Variants in CADM2 observed in about 807,000 individuals in gnomAD.
CADM2 encodes the protein cell adhesion molecule 2, also known as immunoglobulin superfamily member 4D.
Under a neutral mutation model 49.8 loss-of-function variants are expected in CADM2, and 12 were observed. The ratio of observed to expected loss-of-function variants is 0.24; its 90% CI spans 0.15 to 0.39. The LOEUF is 0.39. Among genes scored for constraint, CADM2 ranks in the 10% least tolerant of loss-of-function variants. CADM2 has a pLI of 1.00. For missense variants in CADM2, 378 were observed against 492.3 expected (o/e 0.77, Z 2.20); for synonymous variants, 214 against 175.4 (o/e 1.22, Z -1.74).
At chr3:85,097,641 A>C (rs1165110004) in intron 1 of CADM2, among the ~76,000 whole-genome samples, 1 of 152,078 alleles carries the variant, frequency 6.6e-6, no homozygotes, top group East Asian at 1.9e-4. Context: ...TCCTATTTCT[A>C]AGAGTTTTTA....
chr3:85,957,545 G>T (rs1348599228), intron 7 of CADM2, among the ~76,000 whole-genome samples: 3 of 151,594 alleles, frequency 2.0e-5, no homozygotes, highest in African/African-American at 7.3e-5. Flanking sequence ...CCAACAATCA[G>T]TTTCCCCCAC....
intron 2 of CADM2, among the ~76,000 whole-genome samples, chr3:85,764,517 A>C (rs1301481626): frequency 6.6e-6 from 1 of 152,114 alleles, no homozygotes; most frequent in African/African-American, 2.4e-5. Context: ...CAGATATTTT[A>C]TGTTCAAAGT....
Position 85,585,444 on chromosome 3 carries a change from A to G in CADM2, c.62-141078A>G, listed in dbSNP as rs80124697. On this transcript the variant is annotated intron_variant, in intron 1 of 9. Coordinates refer to ENST00000383699, the MANE Select transcript of CADM2 (RefSeq NM_001167675.2). ...TTGTATGATGAGGTTTATAAGATCT[A>G]TGGTAAGAATGGCTCTTCTATTCAT... Among the ~76,000 whole-genome samples, 1,321 of 151,996 alleles carry G rather than the reference A, an allele frequency of 8.7e-3. 23 individuals are homozygous for G. Among genetic ancestry groups the G allele is most frequent in the African/African-American group, 0.03 (1,263 of 41,470 alleles).
rs7646627 is a variant in CADM2 at position 85,212,942 on chromosome 3, G to A, written c.61+253274G>A. On this transcript the variant is annotated intron_variant, in intron 1 of 9. Transcript: ENST00000383699. ...GTCACCCAGACTGGAGTGCAATGGC[G>A]CAATCTCCGCTCACTGCAACCTTCG... Among the ~76,000 whole-genome samples the A allele has an allele frequency of 4.7e-3, 697 of 148,384 alleles. 8 individuals are homozygous for A. The highest frequency in any genetic ancestry group is 4.9e-3 in the Non-Finnish European group (333 of 67,430).
At chr3:85,491,877 GGC>G (rs1442681748) in intron 1 of CADM2, among the ~76,000 whole-genome samples, 1 of 151,698 alleles carries the variant, frequency 6.6e-6, no homozygotes, top group African/African-American at 2.4e-5. Context: ...GCGTGAATCG[GGC>G]AGGCGGAGCT....
At chr3:86,028,783 T>C (rs1459969237) in intron 8 of CADM2, among the ~76,000 whole-genome samples, 1 of 152,174 alleles carries the variant, frequency 6.6e-6, no homozygotes, top group East Asian at 1.9e-4. Flanking sequence ...TACATAACTT[T>C]CTTAATCCTC....
intron 2 of CADM2, among the ~76,000 whole-genome samples, chr3:85,799,116 A>T (rs757109869): frequency 2.0e-5 from 3 of 152,008 alleles, no homozygotes; most frequent in Non-Finnish European, 4.4e-5. Flanking sequence ...TTGCACATTG[A>T]TTTTGTATCC....
intron 1 of CADM2, among the ~76,000 whole-genome samples, chr3:85,557,940 T>C (rs1193730392): frequency 1.3e-5 from 2 of 152,050 alleles, no homozygotes; most frequent in Non-Finnish European, 2.9e-5. Context: ...CAAATCTACG[T>C]TCGTAAAGAG....
At chr3:85,745,730 T>G (rs944264570) in intron 2 of CADM2, among the ~76,000 whole-genome samples, 1 of 152,096 alleles carries the variant, frequency 6.6e-6, no homozygotes, top group African/African-American at 2.4e-5. Flanking sequence ...TCAGGCATAG[T>G]GGTGCATGCC....
intron 1 of CADM2, among the ~76,000 whole-genome samples, chr3:85,485,674 A>C (rs1020205190): frequency 5.3e-5 from 8 of 152,074 alleles, no homozygotes; most frequent in African/African-American, 1.7e-4. Flanking sequence ...ATATTTTACT[A>C]ACATGAAAAG....
chr3:85,697,071 T>TATATATATATATGCC lies in CADM2; in HGVS notation c.62-29441_62-29440insATGCCATATATATAT, dbSNP rs1553665814. On this transcript the variant is annotated intron_variant, in intron 1 of 9. Transcript: ENST00000383699. The stretch of plus-strand genomic sequence containing the variant: ...TAGCACTACCCTACTGTCTTAATTA[T>TATATATATATATGCC]ATATATATATGCCATATATATATAT... Among the ~76,000 whole-genome samples the TATATATATATATGCC allele has an allele frequency of 1.7e-3, 244 of 141,678 alleles. 3 individuals carry two copies. In the South Asian group the frequency reaches 0.028, roughly 16 times the overall value. 92.9% of individuals were successfully genotyped at this position (141,678 alleles called of 152,430 possible). A position where few individuals can be genotyped will look rare whatever the true frequency, so the allele number is the denominator to read the frequency against.
intron 1 of CADM2, among the ~76,000 whole-genome samples, chr3:85,259,570 T>G (rs978273338): frequency 6.6e-6 from 1 of 152,084 alleles, no homozygotes; most frequent in Non-Finnish European, 1.5e-5. Context: ...TTTACAAACT[T>G]TATATGCCAC....
chr3:85,912,040 T>C (rs1717671650), intron 5 of CADM2, among the ~76,000 whole-genome samples: 1 of 151,898 alleles, frequency 6.6e-6, no homozygotes, highest in Non-Finnish European at 1.5e-5. Context: ...GCCTCCTGGG[T>C]TCACGCCATT....
At chr3:85,648,938 G>A (rs2107575356) in intron 1 of CADM2, among the ~76,000 whole-genome samples, 1 of 151,738 alleles carries the variant, frequency 6.6e-6, no homozygotes, top group South Asian at 2.1e-4. Flanking sequence ...TGGATTTAAT[G>A]CCATGTAAAA....
At chr3:85,358,671 G>C (rs2032074640) in intron 1 of CADM2, among the ~76,000 whole-genome samples, 1 of 152,144 alleles carries the variant, frequency 6.6e-6, no homozygotes, top group South Asian at 2.1e-4. Flanking sequence ...ATGAAAAATG[G>C]AAAGAAATCA....
At chr3:85,470,344 A>T (rs927653044) in intron 1 of CADM2, among the ~76,000 whole-genome samples, 1 of 152,328 alleles carries the variant, frequency 6.6e-6, no homozygotes, top group African/African-American at 2.4e-5. Context: ...AATACAGGTA[A>T]AAAGACAGGA....
intron 1 of CADM2, among the ~76,000 whole-genome samples, chr3:85,067,599 G>A (rs1213795755): frequency 2.0e-5 from 3 of 152,000 alleles, no homozygotes; most frequent in African/African-American, 2.4e-5. Flanking sequence ...TTACCTCTGC[G>A]AACTATCACT....
chr3:86,014,308 C>G, intron 8 of CADM2: 1 of 1,361,942 alleles, frequency 7.3e-7, no homozygotes, highest in Non-Finnish European at 9.9e-7. Context: ...AATGTCCTAT[C>G]TTTTACAAGA....
chr3:85,597,302 A>T (rs1453320317), intron 1 of CADM2, among the ~76,000 whole-genome samples: 1 of 152,112 alleles, frequency 6.6e-6, no homozygotes, highest in Non-Finnish European at 1.5e-5. Context: ...AATTCATCTA[A>T]GTCTTCTTAG....
Sources: allele counts gnomAD v4.1 joint callset (sites outside exome capture counted in the v4.1 genomes callset), GRCh38; gene constraint gnomAD v4.1.1; transcripts MANE v1.5; gene names NCBI Gene and HGNC (gene_info 2026-07-23, HGNC 2026-07-21).